The following TUSC3 variants were observed in gnomAD, a reference collection of about 807,000 sequenced individuals.
The protein encoded by TUSC3 is tumor suppressor candidate 3.
A neutral mutation model predicts 44.8 loss-of-function variants in TUSC3; 45 were observed. The ratio of observed to expected loss-of-function variants is 1.00; its 90% CI spans 0.79 to 1.29. TUSC3 has a LOEUF of 1.29. Ranked by LOEUF, TUSC3 falls within the 50% of genes most tolerant of loss-of-function variation. The pLI, the probability that TUSC3 is intolerant of heterozygous loss-of-function variation, is 0.00. For missense variants in TUSC3, 519 were observed against 437.9 expected (o/e 1.19, Z -1.65); for synonymous variants, 212 against 152.9 (o/e 1.39, Z -2.85).
rs143994939 is a variant in TUSC3 at position 15,659,617 on chromosome 8, A to G, written c.537A>G (p.Ala179=). The change falls in exon 4 of 11, where the codon GCA becomes GCG. Residue 179 remains alanine (A), a synonymous_variant. Transcript: ENST00000503731. ...TTGGATTTGCAGCTGAGCAACTAGC[A>G]AAGTGGATTGCTGACAGAACGGATG... ...QRIGFAAEQL[A]KWIADRTDVH... is the part of the protein sequence containing the mutation. The G allele has an allele frequency of 4.3e-6, 7 of 1,613,380 alleles. No individual in the cohort carries two copies. In the African/African-American group the frequency reaches 9.3e-5, roughly 21 times the overall value.
intron 8 of TUSC3, among the ~76,000 whole-genome samples, chr8:15,745,186 C>T (rs62503675): frequency 0.19 from 28,940 of 151,804 alleles, 3,603 homozygotes; most frequent in Non-Finnish European, 0.28. Flanking sequence ...TCTAGTCCGT[C>T]ATTGATGTGG....
At chr8:15,767,085 ATAG>A (rs1401989129), downstream of TUSC3, among the ~76,000 whole-genome samples, 2 of 152,112 alleles carry the variant, frequency 1.3e-5, no homozygotes, top group Non-Finnish European at 2.9e-5. Flanking sequence ...GTTTTCTCTA[ATAG>A]TAGGAAAAGG....
intron 6 of TUSC3, among the ~76,000 whole-genome samples, chr8:15,685,470 C>G (rs1036223794): frequency 1.6e-4 from 24 of 152,192 alleles, no homozygotes; most frequent in African/African-American, 5.8e-4. Context: ...CCGGCTGTTT[C>G]TAGACATCTT....
chr8:15,563,685 C>CAAAAAAAAAAAAA (rs150368776), intron 1 of TUSC3, among the ~76,000 whole-genome samples: 71 of 79,926 alleles, frequency 8.9e-4, no homozygotes, highest in South Asian at 1.1e-3. Flanking sequence ...GCCTCCATCT[C>CAAAAAAAAAAAAA]AAAAAAAAAA....
At chr8:15,599,651 G>C (rs569293237) in intron 1 of TUSC3, among the ~76,000 whole-genome samples, 1 of 148,236 alleles carries the variant, frequency 6.7e-6, no homozygotes, top group Admixed American at 6.7e-5. Flanking sequence ...ATATCTAGCT[G>C]TTCTAGCATC....
At chr8:15,535,695 A>C (rs1223941032), upstream of TUSC3, among the ~76,000 whole-genome samples, 2 of 152,214 alleles carry the variant, frequency 1.3e-5, no homozygotes, top group Non-Finnish European at 2.9e-5. Context: ...TAACGGGGAA[A>C]GACTAGAAAT....
chr8:15,619,191 C>T (rs926650934), intron 1 of TUSC3, among the ~76,000 whole-genome samples: 3 of 152,124 alleles, frequency 2.0e-5, no homozygotes, highest in Admixed American at 6.5e-5. Flanking sequence ...TAAGAATAGG[C>T]GAGATTTCAG....
rs918222018 is a variant in TUSC3 at position 15,764,807 on chromosome 8, A to T, written c.*651A>T. On this transcript the variant is annotated 3_prime_UTR_variant, in exon 11 of 11. Coordinates refer to ENST00000503731, the MANE Select transcript of TUSC3 (RefSeq NM_006765.4). ...TAAATCTAAAGTAAATGTGCATTAA[A>T]GCAGTGTGCTTCAAAGGCATCAGAC... 2.0e-5 allele frequency: 3 copies of T among 152,378 alleles called. No individual in the cohort carries two copies. The highest frequency in any genetic ancestry group is 7.2e-5 in the African/African-American group (3 of 41,430). The allele number at this position is 152,378 out of a possible 1,614,324, so 9.4% of individuals were successfully genotyped here.
chr8:15,773,791 A>G, the TUSC3 span, among the ~76,000 whole-genome samples: 2 of 152,134 alleles, frequency 1.3e-5, no homozygotes, highest in South Asian at 2.1e-4. Context: ...CATACCCATA[A>G]CCTCTCTATT....
In TUSC3 at chr8:15,584,573, G is replaced by A. The variant is rs916328710; in HGVS notation, c.139-38507G>A. Among the ~76,000 whole-genome samples, 5 of 152,138 alleles carry A rather than the reference G, an allele frequency of 3.3e-5. No homozygotes were observed. The East Asian group carries it at 9.6e-4, about 29-fold the overall frequency. ...GAGCCACTTTATGAGCTAATAAGAAGTCTGTATCTCTGAATGGTAAGAAAT... is the reference window on the plus strand; with the variant it reads ...GAGCCACTTTATGAGCTAATAAGAAATCTGTATCTCTGAATGGTAAGAAAT... On this transcript the variant is annotated intron_variant, in intron 1 of 10. Transcript: ENST00000503731.
At chr8:15,555,130 A>T (rs913986891) in intron 1 of TUSC3, among the ~76,000 whole-genome samples, 1 of 138,302 alleles carries the variant, frequency 7.2e-6, no homozygotes, top group Non-Finnish European at 1.5e-5. Flanking sequence ...ACAATATTAT[A>T]ATAGCAGTCT....
At chr8:15,780,897 C>T in the TUSC3 span, among the ~76,000 whole-genome samples, 6 of 152,174 alleles carry the variant, frequency 3.9e-5, no homozygotes, top group African/African-American at 7.2e-5. Flanking sequence ...GCAACCATTT[C>T]CAAAGGCTGT....
At chr8:15,568,703 A>T (rs117572332) in intron 1 of TUSC3, among the ~76,000 whole-genome samples, 27 of 151,640 alleles carry the variant, frequency 1.8e-4, no homozygotes, top group Non-Finnish European at 3.2e-4. Flanking sequence ...GCCAGGTTCA[A>T]CTGATTCTCC....
intron 1 of TUSC3, among the ~76,000 whole-genome samples, chr8:15,569,306 C>T (rs1802783973): frequency 6.6e-6 from 1 of 152,038 alleles, no homozygotes; most frequent in African/African-American, 2.4e-5. Flanking sequence ...TTGCTACTTG[C>T]TGGAAAATAC....
At chr8:15,818,472 T>A in the TUSC3 span, among the ~76,000 whole-genome samples, 1 of 152,212 alleles carries the variant, frequency 6.6e-6, no homozygotes, top group African/African-American at 2.4e-5. Flanking sequence ...TGTTCTTAGA[T>A]CTGTTGATTG....
rs75101520 is a variant in TUSC3, at chr8:15,523,591, T to G, written n.189+40108T>G. Among the ~76,000 whole-genome samples the G allele has an allele frequency of 2.4e-3, 364 of 149,444 alleles. 1 individual carries two copies. The highest frequency in any genetic ancestry group is 2.6e-3 in the Non-Finnish European group (177 of 67,592). On this transcript the variant is annotated intron_variant and non_coding_transcript_variant, in intron 2 of 5. Transcript: ENST00000503191. The stretch of plus-strand genomic sequence containing the variant: ...TAAATAATAAATGCCTTGCCGACTT[T>G]CCAAATATTTCACTTCCCAAATAAT...
the TUSC3 span, among the ~76,000 whole-genome samples, chr8:15,801,657 G>C: frequency 6.6e-6 from 1 of 152,116 alleles, no homozygotes; most frequent in Non-Finnish European, 1.5e-5. Flanking sequence ...GAAGCATAAG[G>C]ATGAAAGCAC....
At chr8:15,779,989 G>C in the TUSC3 span, among the ~76,000 whole-genome samples, 1 of 152,174 alleles carries the variant, frequency 6.6e-6, no homozygotes, top group African/African-American at 2.4e-5. Flanking sequence ...ATTCTGGAAA[G>C]TGAAACATAA....
chr8:15,518,945 T>G (rs1396099209), intron 2 of TUSC3, among the ~76,000 whole-genome samples: 1 of 152,214 alleles, frequency 6.6e-6, no homozygotes. Flanking sequence ...TGCCCATGAT[T>G]CTACAAGTCT....
Sources: allele counts gnomAD v4.1 joint callset (sites outside exome capture counted in the v4.1 genomes callset), GRCh38; gene constraint gnomAD v4.1.1; transcripts MANE v1.5; gene names NCBI Gene and HGNC (gene_info 2026-07-23, HGNC 2026-07-21).